The following GPC6 variants were observed in gnomAD, a reference collection of about 807,000 sequenced individuals.
The protein encoded by GPC6 is glypican 6, also known as glypican-6.
Under a neutral mutation model 55.2 loss-of-function variants are expected in GPC6, and 14 were observed. The observed-to-expected ratio is 0.25, with a 90% confidence interval of 0.17 to 0.40. GPC6 has a LOEUF of 0.40. GPC6 is among the 10% of genes least tolerant of loss of function. GPC6 has a pLI of 1.00. For missense variants in GPC6, 641 were observed against 708.5 expected (o/e 0.90, Z 1.08); for synonymous variants, 278 against 259.6 (o/e 1.07, Z -0.68).
At chr13:93,715,137 A>G (rs1302588470) in intron 2 of GPC6, among the ~76,000 whole-genome samples, 1 of 151,500 alleles carries the variant, frequency 6.6e-6, no homozygotes, top group African/African-American at 2.4e-5. Flanking sequence ...CTATCTCAGT[A>G]CTACCAAAAA....
chr13:93,221,232 T>C, the GPC6 span, among the ~76,000 whole-genome samples: 2 of 152,226 alleles, frequency 1.3e-5, no homozygotes, highest in African/African-American at 2.4e-5. Context: ...ATAGTAGTAT[T>C]TTAGGTAACG....
chr13:93,281,624 AC>A (rs971256392), intron 1 of GPC6, among the ~76,000 whole-genome samples: 1 of 151,944 alleles, frequency 6.6e-6, no homozygotes, highest in Non-Finnish European at 1.5e-5. Flanking sequence ...AACCAGCCTG[AC>A]CAACCTGGTG....
At chr13:94,030,268 C>A (rs2138724168) in intron 4 of GPC6, among the ~76,000 whole-genome samples, 1 of 152,248 alleles carries the variant, frequency 6.6e-6, no homozygotes, top group South Asian at 2.1e-4. Flanking sequence ...CTCGGCCTCC[C>A]AAAGTGCTGG....
At chr13:93,378,351 T>C (rs1336412552) in intron 1 of GPC6, among the ~76,000 whole-genome samples, 1 of 152,202 alleles carries the variant, frequency 6.6e-6, no homozygotes, top group Non-Finnish European at 1.5e-5. Context: ...GTTTCTTCTA[T>C]GACAACATGA....
At chr13:93,641,085 C>A (rs908911544) in intron 2 of GPC6, among the ~76,000 whole-genome samples, 2 of 151,886 alleles carry the variant, frequency 1.3e-5, no homozygotes, top group African/African-American at 4.8e-5. Context: ...GAACACCATC[C>A]TTCCACAAAC....
intron 4 of GPC6, among the ~76,000 whole-genome samples, chr13:94,272,243 A>G (rs185820799): frequency 5.1e-4 from 77 of 151,680 alleles, no homozygotes; most frequent in African/African-American, 1.8e-3. Flanking sequence ...GTTCTGGGAG[A>G]GGTTTGTGAT....
intron 4 of GPC6, among the ~76,000 whole-genome samples, chr13:94,047,772 A>G (rs2138748507): frequency 6.6e-6 from 1 of 152,216 alleles, no homozygotes; most frequent in African/African-American, 2.4e-5. Context: ...TCAACACTAC[A>G]CATTTATATA....
chr13:94,121,276 T>A (rs1030529241), intron 4 of GPC6, among the ~76,000 whole-genome samples: 1 of 152,122 alleles, frequency 6.6e-6, no homozygotes, highest in Admixed American at 6.6e-5. Context: ...GTGGGCCCTG[T>A]AGAAGCACAG....
intron 1 of GPC6, among the ~76,000 whole-genome samples, chr13:93,408,612 A>G (rs1270216234): frequency 6.6e-6 from 1 of 152,192 alleles, no homozygotes; most frequent in East Asian, 1.9e-4. Flanking sequence ...CAGTAGCATG[A>G]TTAAATTGGA....
intron 4 of GPC6, among the ~76,000 whole-genome samples, chr13:94,059,842 G>T (rs1159410206): frequency 6.6e-6 from 1 of 151,516 alleles, no homozygotes; most frequent in Non-Finnish European, 1.5e-5. Flanking sequence ...CCTCCCAAAG[G>T]CCCCACCTCC....
At chr13:93,830,786 T>A (rs1468366976) in intron 3 of GPC6, 4 of 505,456 alleles carry the variant, frequency 7.9e-6, no homozygotes, top group African/African-American at 3.9e-5. Flanking sequence ...TTAATACTTA[T>A]CAGCAGTATA....
intron 1 of GPC6, among the ~76,000 whole-genome samples, chr13:93,300,404 T>C (rs1445684922): frequency 1.3e-5 from 2 of 151,996 alleles, no homozygotes; most frequent in African/African-American, 4.8e-5. Context: ...ACCCCAGCAA[T>C]TTGGGAGGCC....
At chr13:93,387,949 A>T (rs575234895) in intron 1 of GPC6, among the ~76,000 whole-genome samples, 1 of 151,288 alleles carries the variant, frequency 6.6e-6, no homozygotes, top group South Asian at 2.1e-4. Flanking sequence ...CTTAGTTCCC[A>T]ATATATATAT....
At chr13:94,141,294 G>A (rs1294034844) in intron 4 of GPC6, among the ~76,000 whole-genome samples, 1 of 152,178 alleles carries the variant, frequency 6.6e-6, no homozygotes, top group Non-Finnish European at 1.5e-5. Context: ...GGAAAGCTTT[G>A]TCTAGAAATT....
chr13:94,222,586 G>C (rs1346813235), intron 4 of GPC6, among the ~76,000 whole-genome samples: 2 of 152,014 alleles, frequency 1.3e-5, no homozygotes, highest in Admixed American at 1.3e-4. Context: ...CAGCTCCCTG[G>C]TTAGATTCAT....
intron 2 of GPC6, among the ~76,000 whole-genome samples, chr13:93,754,428 G>A (rs539535610): frequency 6.6e-6 from 1 of 152,106 alleles, no homozygotes; most frequent in Non-Finnish European, 1.5e-5. Context: ...CTTCCTCTGT[G>A]TTGCCTTTAG....
intron 2 of GPC6, among the ~76,000 whole-genome samples, chr13:93,773,456 A>ATT (rs35286272): frequency 8.7e-5 from 13 of 149,368 alleles, no homozygotes; most frequent in Non-Finnish European, 1.9e-4. Flanking sequence ...TATGCAGCTG[A>ATT]TTTTTTTTTT....
rs34636081 is a variant in GPC6 at position 94,150,814 on chromosome 13, G to GTATATATATATA, written c.877+122926_877+122937dup. ...TGAAGCAGAAAGAGAGAGATCAGCA[G>GTATATATATATA]TATATATATATATATATGTTTATTG... On this transcript the variant is annotated intron_variant, in intron 4 of 8. Coordinates refer to ENST00000377047, the MANE Select transcript of GPC6 (RefSeq NM_005708.5). Among the ~76,000 whole-genome samples, 156 of 100,666 alleles carry GTATATATATATA rather than the reference G, an allele frequency of 1.5e-3. 21 individuals carry two copies. The highest frequency in any genetic ancestry group is 0.015 in the East Asian group (40 of 2,622). 66.0% of individuals were successfully genotyped at this position (100,666 alleles called of 152,430 possible). A position where few individuals can be genotyped will look rare whatever the true frequency, so the allele number is the denominator to read the frequency against.
intron 1 of GPC6, among the ~76,000 whole-genome samples, chr13:93,348,273 C>G (rs1016584661): frequency 2.0e-5 from 3 of 152,118 alleles, no homozygotes; most frequent in African/African-American, 7.2e-5. Flanking sequence ...GTCTCAACAT[C>G]ATTAGTAACA....
Sources: allele counts gnomAD v4.1 joint callset (sites outside exome capture counted in the v4.1 genomes callset), GRCh38; gene constraint gnomAD v4.1.1; transcripts MANE v1.5; gene names NCBI Gene and HGNC (gene_info 2026-07-23, HGNC 2026-07-21).